PRKCE: variants seen among roughly 807,000 people sequenced by gnomAD.
PRKCE encodes protein kinase C epsilon, also known as protein kinase C epsilon type.
PRKCE carries 16 observed loss-of-function variants against 85.4 expected under a neutral mutation model. That is an observed-to-expected ratio of 0.19 (90% CI 0.13 to 0.28). The LOEUF is 0.28. Among genes scored for constraint, PRKCE ranks in the 10% least tolerant of loss-of-function variants. The pLI, the probability that PRKCE is intolerant of heterozygous loss-of-function variation, is 1.00. For synonymous variants in PRKCE, 388 were observed against 371.5 expected, an observed-to-expected ratio of 1.04 and a Z score of -0.51; for missense variants, 573 against 975.2, an observed-to-expected ratio of 0.59 and a Z score of 5.49.
chr2:45,831,904 C>G (rs199614028), intron 1 of PRKCE, among the ~76,000 whole-genome samples: 3 of 50,462 alleles, frequency 5.9e-5, no homozygotes, highest in Non-Finnish European at 1.2e-4. Flanking sequence ...AATATATAAC[C>G]CAAATGAAAC....
chr2:45,832,543 C>T (rs1358646247), intron 1 of PRKCE, among the ~76,000 whole-genome samples: 2 of 152,110 alleles, frequency 1.3e-5, no homozygotes, highest in Non-Finnish European at 2.9e-5. Flanking sequence ...GAACTCCTGA[C>T]CTCGTGATCC....
chr2:45,827,503 T>C (rs964729648), intron 1 of PRKCE, among the ~76,000 whole-genome samples: 2 of 152,210 alleles, frequency 1.3e-5, no homozygotes, highest in African/African-American at 2.4e-5. Flanking sequence ...TGTTCATTTT[T>C]AAAGGCCTGG....
At chr2:46,127,669 C>G (rs1673993986) in intron 11 of PRKCE, among the ~76,000 whole-genome samples, 1 of 152,212 alleles carries the variant, frequency 6.6e-6, no homozygotes, top group Non-Finnish European at 1.5e-5. Flanking sequence ...CAGTGAGTGG[C>G]TGTCACTGTG....
chr2:46,155,719 C>T lies in PRKCE; in HGVS notation c.1921-3887C>T, dbSNP rs1254082485. Among the ~76,000 whole-genome samples the T allele has an allele frequency of 1.3e-5, 2 of 152,138 alleles. No individual in the cohort carries two copies. Among genetic ancestry groups the T allele is most frequent in the Non-Finnish European group, 2.9e-5 (2 of 68,026 alleles). On this transcript the variant is annotated intron_variant, in intron 13 of 14. Transcript: ENST00000306156. The surrounding 1 kb of genome is among the most constrained non-coding windows in gnomAD (Gnocchi z 4.7). ...ACAGACCAGAAATGGGGTGCAATCC[C>T]TCTCTCCCCATCACAGCTAGTCATC...
chr2:46,174,381 C>T (rs1034973102), intron 14 of PRKCE, among the ~76,000 whole-genome samples: 45 of 152,204 alleles, frequency 3.0e-4, no homozygotes, highest in African/African-American at 7.2e-4. Context: ...ATGTAAAGGT[C>T]GCAAACTGGA....
At chr2:46,157,988 G>A (rs1294557776) in intron 13 of PRKCE, among the ~76,000 whole-genome samples, 1 of 152,210 alleles carries the variant, frequency 6.6e-6, no homozygotes, top group Non-Finnish European at 1.5e-5. Context: ...ACAATAAGCG[G>A]CTGTGCCACA....
At chr2:45,915,661 C>T (rs936366083) in intron 2 of PRKCE, among the ~76,000 whole-genome samples, 1 of 152,182 alleles carries the variant, frequency 6.6e-6, no homozygotes, top group Non-Finnish European at 1.5e-5. Context: ...TGATCTTTTT[C>T]TCATTTGCCT....
chr2:45,967,722 A>T (rs1237257707), intron 2 of PRKCE, among the ~76,000 whole-genome samples: 1 of 152,192 alleles, frequency 6.6e-6, no homozygotes, highest in East Asian at 1.9e-4. Flanking sequence ...TTGCCTCAGA[A>T]TCCAACATGG....
chr2:46,173,577 G>T (rs573510704), intron 14 of PRKCE, among the ~76,000 whole-genome samples: 1 of 152,214 alleles, frequency 6.6e-6, no homozygotes, highest in Non-Finnish European at 1.5e-5. Context: ...AGCCAGGAAG[G>T]GGCTCTGTCC....
At chr2:46,010,975 A>T in intron 10 of PRKCE, 2 of 1,380,458 alleles carry the variant, frequency 1.4e-6, no homozygotes, top group Non-Finnish European at 9.4e-7. Flanking sequence ...TTAAAATTTC[A>T]TAGTGAAACA....
At chr2:46,013,694 A>C (rs1705879083) in intron 10 of PRKCE, among the ~76,000 whole-genome samples, 2 of 152,230 alleles carry the variant, frequency 1.3e-5, no homozygotes, top group African/African-American at 4.8e-5. Context: ...GATTTCTTTC[A>C]TGCTTGTTTA....
rs184351142 is a variant in PRKCE, at chr2:46,184,035, T to G, written c.2068-700T>G. On this transcript the variant is annotated intron_variant, in intron 14 of 14. Transcript: ENST00000306156. This position sits in a 1 kb window ranked among gnomAD's most constrained non-coding sequence, Gnocchi z 5.0. Reference sequence around the variant, plus strand: ...GTATGGGTCCTTCAGAGCTGGGGAGTCAGTGGTGAGTTTACTTATTTCATT... The same window carrying G: ...GTATGGGTCCTTCAGAGCTGGGGAGGCAGTGGTGAGTTTACTTATTTCATT... Among the ~76,000 whole-genome samples, 1 of 151,808 alleles carries G rather than the reference T, an allele frequency of 6.6e-6. No individual in the cohort carries two copies. The highest frequency in any genetic ancestry group is 2.4e-5 in the African/African-American group (1 of 41,378).
Position 45,984,716 on chromosome 2 carries a change from T to C in PRKCE, c.823+36T>C, listed in dbSNP as rs749739166. On this transcript the variant is annotated intron_variant, in intron 6 of 14. Transcript: ENST00000306156. ...CCCTGCCCTGCCCTCAGCCCCTGCA[T>C]GTCCCCTTCCTTGCTGCCTGCCCCC... The C allele has an allele frequency of 1.9e-6, 3 of 1,577,144 alleles. No homozygotes were observed. In the African/African-American group the frequency reaches 4.0e-5, roughly 21 times the overall value.
At chr2:45,848,080 A>G (rs779847662) in intron 2 of PRKCE, among the ~76,000 whole-genome samples, 1 of 152,128 alleles carries the variant, frequency 6.6e-6, no homozygotes, top group Non-Finnish European at 1.5e-5. Flanking sequence ...TTAGAGCAGT[A>G]CCTCCAGGGC....
Position 46,079,085 on chromosome 2 carries a change from G to T in PRKCE, c.1438-7123G>T, listed in dbSNP as rs538721507. On this transcript the variant is annotated intron_variant, in intron 10 of 14. Transcript: ENST00000306156. ...CCAGCTACCCGGGAGGCTGAGGCAG[G>T]AGAATTGCTTGAACCCGAAGGTGGA... 4.4e-3 allele frequency among the ~76,000 whole-genome samples: 658 copies of T among 150,544 alleles called. 3 individuals are homozygous for T. Among genetic ancestry groups the T allele is most frequent in the Non-Finnish European group, 7.5e-3 (507 of 67,830 alleles).
intron 1 of PRKCE, among the ~76,000 whole-genome samples, chr2:45,781,732 CT>C (rs1468795448): frequency 6.6e-6 from 1 of 151,802 alleles, no homozygotes; most frequent in Admixed American, 6.6e-5. Context: ...ATTTGCTTTT[CT>C]TTAGGCTTTC....
chr2:46,105,600 C>T (rs556476027), intron 11 of PRKCE, among the ~76,000 whole-genome samples: 114 of 152,270 alleles, frequency 7.5e-4, no homozygotes, highest in African/African-American at 2.6e-3. Context: ...CTTCCAGCAT[C>T]ACTAGTGAAT....
At chr2:45,868,957 CAAAAA>C (rs58698207) in intron 2 of PRKCE, among the ~76,000 whole-genome samples, 4 of 112,084 alleles carry the variant, frequency 3.6e-5, no homozygotes, top group African/African-American at 1.4e-4. Context: ...CATCCTGTCT[CAAAAA>C]AAAAAAAAAA....
chr2:45,814,346 G>A (rs1004028406), intron 1 of PRKCE, among the ~76,000 whole-genome samples: 6 of 152,150 alleles, frequency 3.9e-5, no homozygotes, highest in South Asian at 2.1e-4. Flanking sequence ...CCCTTGCCTC[G>A]CAGCCAAGGG....
Sources: allele counts gnomAD v4.1 joint callset (sites outside exome capture counted in the v4.1 genomes callset), GRCh38; gene constraint gnomAD v4.1.1; non-coding constraint Gnocchi (gnomAD v3.1); transcripts MANE v1.5; gene names NCBI Gene and HGNC (gene_info 2026-07-23, HGNC 2026-07-21).